The following DLGAP1 variants were observed in gnomAD, a reference collection of about 807,000 sequenced individuals.
DLGAP1 encodes disks large-associated protein 1.
In DLGAP1, 11 loss-of-function variants were observed where a neutral mutation model predicts 90.8. The ratio of observed to expected loss-of-function variants is 0.12; its 90% CI spans 0.08 to 0.20. The LOEUF (loss-of-function observed/expected upper bound fraction) is 0.20, where lower values mean the gene tolerates loss of function less well. Ranked by LOEUF, DLGAP1 falls within the 10% of genes least tolerant of loss-of-function variation. The pLI, the probability that DLGAP1 is intolerant of heterozygous loss-of-function variation, is 1.00. For synonymous variants in DLGAP1, 558 were observed against 540.7 expected (o/e 1.03, Z -0.44); for missense variants, 1,050 against 1,333.8 (o/e 0.79, Z 3.31).
intron 1 of DLGAP1, among the ~76,000 whole-genome samples, chr18:4,310,841 C>T (rs1029440096): frequency 6.6e-6 from 1 of 152,150 alleles, no homozygotes; most frequent in South Asian, 2.1e-4. Context: ...TCACATCATT[C>T]TCATATATAA....
At chr18:3,682,859 C>CTTT (rs762260717) in intron 7 of DLGAP1, among the ~76,000 whole-genome samples, 2 of 141,302 alleles carry the variant, frequency 1.4e-5, no homozygotes, top group Admixed American at 7.1e-5. Context: ...TTCTTTCTTT[C>CTTT]TTTTTTTTTT....
chr18:4,043,348 T>C (rs2075003446), intron 2 of DLGAP1, among the ~76,000 whole-genome samples: 1 of 152,196 alleles, frequency 6.6e-6, no homozygotes, highest in African/African-American at 2.4e-5. Context: ...AAGGCAGAAA[T>C]GTATGAATCA....
chr18:4,445,132 C>T (rs574303064), intron 1 of DLGAP1, among the ~76,000 whole-genome samples: 1 of 152,212 alleles, frequency 6.6e-6, no homozygotes, highest in East Asian at 1.9e-4. Context: ...GGGCTATGTC[C>T]AATATCATCT....
intron 1 of DLGAP1, among the ~76,000 whole-genome samples, chr18:4,380,900 T>C (rs181251954): frequency 1.2e-4 from 19 of 152,296 alleles, no homozygotes; most frequent in Non-Finnish European, 2.4e-4. Flanking sequence ...TCTCCACTGG[T>C]ACATACATGT....
At chr18:3,903,509 A>C (rs2071830391) in intron 3 of DLGAP1, among the ~76,000 whole-genome samples, 1 of 152,200 alleles carries the variant, frequency 6.6e-6, no homozygotes, top group Non-Finnish European at 1.5e-5. Context: ...CATGCTGCAA[A>C]TATGCATGGG....
At chr18:4,441,192 G>A (rs1003453132) in intron 1 of DLGAP1, among the ~76,000 whole-genome samples, 1 of 152,174 alleles carries the variant, frequency 6.6e-6, no homozygotes, top group Non-Finnish European at 1.5e-5. Flanking sequence ...TGAGGTATCT[G>A]TTCATTTATG....
At chr18:3,898,015 C>CA (rs2071687355) in intron 3 of DLGAP1, among the ~76,000 whole-genome samples, 1 of 151,824 alleles carries the variant, frequency 6.6e-6, no homozygotes, top group South Asian at 2.1e-4. Flanking sequence ...AGGATGGTCT[C>CA]GATCTCCTGA....
At chr18:3,767,932 A>G (rs2064331156) in intron 5 of DLGAP1, among the ~76,000 whole-genome samples, 1 of 152,128 alleles carries the variant, frequency 6.6e-6, no homozygotes, top group African/African-American at 2.4e-5. Context: ...TGGCAAGGAA[A>G]TAAAAGGCAT....
intron 5 of DLGAP1, among the ~76,000 whole-genome samples, chr18:3,774,911 C>G (rs1416375335): frequency 6.6e-6 from 1 of 152,134 alleles, no homozygotes; most frequent in African/African-American, 2.4e-5. Flanking sequence ...ACAACCACCC[C>G]CTTCCTCCCA....
intron 1 of DLGAP1, among the ~76,000 whole-genome samples, chr18:4,276,440 A>C (rs1044421928): frequency 6.6e-6 from 1 of 151,986 alleles, no homozygotes; most frequent in Non-Finnish European, 1.5e-5. Context: ...GCTCAAGACC[A>C]GCCTGGCCAA....
intron 2 of DLGAP1, among the ~76,000 whole-genome samples, chr18:4,029,894 G>A (rs1011601796): frequency 2.0e-5 from 3 of 151,866 alleles, no homozygotes; most frequent in African/African-American, 7.3e-5. Context: ...CATTCCTTTT[G>A]GTTTTCTTTG....
intron 3 of DLGAP1, among the ~76,000 whole-genome samples, chr18:3,901,072 C>T (rs1231317706): frequency 6.6e-6 from 1 of 152,060 alleles, no homozygotes; most frequent in Non-Finnish European, 1.5e-5. Context: ...GAACGCCCTC[C>T]ACCCTCATCC....
intron 3 of DLGAP1, among the ~76,000 whole-genome samples, chr18:3,956,897 T>TAGGC (rs2073096682): frequency 6.6e-6 from 1 of 151,512 alleles, no homozygotes; most frequent in Non-Finnish European, 1.5e-5. Flanking sequence ...AGTAGTCCAC[T>TAGGC]TGCCTCAGCC....
chr18:3,888,725 T>A (rs1331566392), intron 3 of DLGAP1, among the ~76,000 whole-genome samples: 8 of 152,196 alleles, frequency 5.3e-5, no homozygotes, highest in Non-Finnish European at 1.2e-4. Context: ...GATTAATAGG[T>A]CATTATTGAT....
intron 10 of DLGAP1, among the ~76,000 whole-genome samples, chr18:3,520,767 A>T (rs1274081329): frequency 6.6e-6 from 1 of 152,206 alleles, no homozygotes; most frequent in Non-Finnish European, 1.5e-5. Context: ...GCCTTAGCAA[A>T]TTATTACATT....
intron 1 of DLGAP1, among the ~76,000 whole-genome samples, chr18:4,445,615 CAA>C (rs1281852905): frequency 6.6e-6 from 1 of 151,926 alleles, no homozygotes; most frequent in Non-Finnish European, 1.5e-5. Flanking sequence ...TGCCAATCAT[CAA>C]GAAAGCAGCT....
At chr18:3,773,090 T>C (rs1007304449) in intron 5 of DLGAP1, among the ~76,000 whole-genome samples, 1 of 152,200 alleles carries the variant, frequency 6.6e-6, no homozygotes, top group African/African-American at 2.4e-5. Flanking sequence ...TGTGTATTCT[T>C]AGATGGGACT....
intron 1 of DLGAP1, among the ~76,000 whole-genome samples, chr18:4,409,528 T>A (rs979749384): frequency 6.6e-6 from 1 of 152,190 alleles, no homozygotes; most frequent in African/African-American, 2.4e-5. Context: ...AAAATTAATA[T>A]CGATGAGAGA....
intron 7 of DLGAP1, among the ~76,000 whole-genome samples, chr18:3,583,887 G>T (rs1484016669): frequency 6.6e-6 from 1 of 152,194 alleles, no homozygotes; most frequent in African/African-American, 2.4e-5. Flanking sequence ...GGAGGAGGTT[G>T]CAGTGAGCTG....
Sources: allele counts gnomAD v4.1 joint callset (sites outside exome capture counted in the v4.1 genomes callset), GRCh38; gene constraint gnomAD v4.1.1; transcripts MANE v1.5; gene names NCBI Gene and HGNC (gene_info 2026-07-23, HGNC 2026-07-21).